QARS1: variants seen among roughly 807,000 people sequenced by gnomAD.
QARS1 encodes glutaminyl-tRNA synthetase 1.
Under a neutral mutation model 106.9 loss-of-function variants are expected in QARS1, and 79 were observed. That is an observed-to-expected ratio of 0.74 (90% CI 0.62 to 0.89). QARS1 has a LOEUF of 0.89. Among genes scored for constraint, QARS1 ranks in the 40% least tolerant of loss-of-function variants. The pLI is 0.00. For synonymous variants in QARS1, 395 were observed against 367.7 expected (o/e 1.07, Z -0.85); for missense variants, 966 against 997.2 (o/e 0.97, Z 0.42).
chr3:49,096,779 G>A lies in QARS1; in HGVS notation c.2278-700C>T, dbSNP rs568924037. Among the ~76,000 whole-genome samples the A allele has an allele frequency of 2.8e-3, 261 of 92,918 alleles. 2 individuals carry two copies. Among genetic ancestry groups the A allele is most frequent in the African/African-American group, 0.01 (239 of 23,714 alleles). The allele number at this position is 92,918 out of a possible 152,430, so 61.0% of individuals were successfully genotyped here. A position where few individuals can be genotyped will look rare whatever the true frequency, so the allele number is the denominator to read the frequency against. ...TGTGCCACTGCACTCCAGCCTGGGC[G>A]ACATGTGAGACTCCGTCTCAAAAAA... is the stretch of plus-strand genomic sequence containing the variant. On this transcript the variant is annotated intron_variant, in intron 23 of 23. Coordinates refer to ENST00000306125, the MANE Select transcript of QARS1 (RefSeq NM_005051.3).
chr3:49,100,277 G>A lies in QARS1; in HGVS notation c.1077C>T (p.His359=). The change falls in exon 13 of 24, where the codon CAC becomes CAT. Residue 359 remains histidine (H), a synonymous_variant. Coordinates refer to ENST00000306125, the MANE Select transcript of QARS1 (RefSeq NM_005051.3). ...GGCCTTTGAGCTCCTCTCCTCGCTG[G>A]TGGCACACATAAGCCAGACCCCTGT... ...LIRRGLAYVC[H]QRGEELKGHN... 1 of 1,614,228 alleles carries A rather than the reference G, an allele frequency of 6.2e-7. No homozygotes were observed. The highest frequency in any genetic ancestry group is 8.5e-7 in the Non-Finnish European group (1 of 1,180,044).
chr3:49,102,178 C>T, intron 7 of QARS1, 27 bp downstream of exon 7: 1 of 1,614,026 alleles, frequency 6.2e-7, no homozygotes, highest in Non-Finnish European at 8.5e-7. Context: ...GAGCTGAATG[C>T]TGTGACAGGA....
rs1410720009 is a variant in QARS1 at position 49,100,219 on chromosome 3, G to A, written c.1135C>T (p.Pro379Ser). The A allele has an allele frequency of 1.2e-6, 2 of 1,614,236 alleles. No individual in the cohort carries two copies. The highest frequency in any genetic ancestry group is 1.7e-5 in the Admixed American group (1 of 60,032). ...NTLPSPWRDR[P>S]MEESLLLFEA... Reference sequence around the variant, plus strand: ...AAGAGCAGCAGTGACTCCTCCATGGGACGGTCTCTCCAGGGTGAAGGCAGA... The same window carrying A: ...AAGAGCAGCAGTGACTCCTCCATGGAACGGTCTCTCCAGGGTGAAGGCAGA... The change falls in exon 13 of 24, where the codon CCC becomes TCC. Residue 379 changes from proline (P) to serine (S), a missense_variant. Coordinates refer to ENST00000306125, the MANE Select transcript of QARS1 (RefSeq NM_005051.3).
In QARS1 at chr3:49,096,057, G is replaced by T; in HGVS notation, c.2300C>A (p.Thr767Lys). 6.2e-7 allele frequency: 1 copy of T among 1,613,964 alleles called. No individual in the cohort carries two copies. Among genetic ancestry groups the T allele is most frequent in the Admixed American group, 1.7e-5 (1 of 59,996 alleles). The change falls in exon 24 of 24, where the codon ACA becomes AAA. Residue 767 changes from threonine to lysine, a missense_variant. Physicochemically the swap from Thr to Lys is moderately conservative, Grantham distance 78. Transcript: ENST00000306125. ...CACCTTTCCTGGGTCTTCCTTCAGT[G>T]TGACAGTTCGGTTAAAGACAAGCTG... ...QGKLVFNRTV[T>K]LKEDPGKV
Position 49,101,854 on chromosome 3 carries a change from C to T in QARS1, c.677G>A (p.Gly226Glu), listed in dbSNP as rs1316734963. ...QTLSLMEQLR[G>E]EALKFHKPGE... ...AGGCTTGTGGAACTTAAGGGCCTCC[C>T]CCCGGAGCTGCTCCATCAGAGACAG... is the stretch of plus-strand genomic sequence containing the variant. The change falls in exon 8 of 24, where the codon GGG (glycine) becomes GAG (glutamate). Residue 226 changes from glycine to glutamate, a missense_variant. By Grantham distance (98) the Gly-to-Glu change is moderately conservative. Coordinates refer to ENST00000306125, the MANE Select transcript of QARS1 (RefSeq NM_005051.3). 8.7e-6 allele frequency: 14 copies of T among 1,612,364 alleles called. No individual in the cohort carries two copies. Among genetic ancestry groups the T allele is most frequent in the Non-Finnish European group, 1.2e-5 (14 of 1,179,228 alleles).
Position 49,100,688 on chromosome 3 carries a change from A to C in QARS1, c.877-14T>G. The C allele has an allele frequency of 6.5e-7, 1 of 1,543,968 alleles. No individual in the cohort carries two copies. Among genetic ancestry groups the C allele is most frequent in the East Asian group, 2.2e-5 (1 of 44,552 alleles). On this transcript the variant is annotated splice_polypyrimidine_tract_variant and intron_variant, in intron 10 of 23. Transcript: ENST00000306125. ...GCCATTGTTGGCCTAGGAAAGTTGC[A>C]CCATCTGTGAACTCCCACATCATCC...
intron 6 of QARS1, 52 bp from the exon 7 acceptor site, chr3:49,102,317 T>C: frequency 6.2e-7 from 1 of 1,613,872 alleles, no homozygotes; most frequent in Non-Finnish European, 8.5e-7. Flanking sequence ...TTCTCTTGGA[T>C]AGGGTCTTGG....
chr3:49,098,239 C>T lies in QARS1; in HGVS notation c.2104G>A (p.Glu702Lys), dbSNP rs2107095526. 5.6e-6 allele frequency: 9 copies of T among 1,614,204 alleles called. No homozygotes were observed. Among genetic ancestry groups the T allele is most frequent in the African/African-American group, 1.3e-5 (1 of 75,048 alleles). Residue 702 changes from glutamate to lysine, a missense_variant, in exon 22 of 24, where the codon GAA becomes AAA. Coordinates refer to ENST00000306125, the MANE Select transcript of QARS1 (RefSeq NM_005051.3). ...YERLFQHKNP[E>K]DPTEVPGGFL... ...CCACCAGGCACCTCAGTAGGATCTT[C>T]AGGGTTCTTGTGCTGGAATCTGCAG...
At position 49,104,438 on chromosome 3, in the gene QARS1, C is replaced by T. The variant is rs755697141; in HGVS notation, c.151G>A (p.Ala51Thr). The T allele has an allele frequency of 1.2e-6, 2 of 1,614,172 alleles. No individual in the cohort carries two copies. Among genetic ancestry groups the T allele is most frequent in the Non-Finnish European group, 1.7e-6 (2 of 1,180,042 alleles). The change falls in exon 2 of 24, where the codon GCT becomes ACT. Residue 51 changes from alanine (A) to threonine (T), a missense_variant. Transcript: ENST00000306125. ...AAGCCATATAACAGGATCCCGGTAGCTTTGTCAATGGTGGAACCCAGGGTC... is the reference window on the plus strand; with the variant it reads ...AAGCCATATAACAGGATCCCGGTAGTTTTGTCAATGGTGGAACCCAGGGTC... ...QQTLGSTIDKATGILLYGLAS... is the reference protein window; with the variant it reads ...QQTLGSTIDKTTGILLYGLAS...
At position 49,099,207 on chromosome 3, in the gene QARS1, T is replaced by C; in HGVS notation, c.1661A>G (p.Glu554Gly). Residue 554 changes from glutamate to glycine, a missense_variant, in exon 18 of 24, where the codon GAA (glutamate) becomes GGA (glycine). Coordinates refer to ENST00000306125, the MANE Select transcript of QARS1 (RefSeq NM_005051.3). Reference sequence around the variant, plus strand: ...ATTCAGCACATCACGCACACAGGCTTCTAGAAGATGTGGCTCCATTGTGGT... The same window carrying C: ...ATTCAGCACATCACGCACACAGGCTCCTAGAAGATGTGGCTCCATTGTGGT... ...AQTTMEPHLL[E>G]ACVRDVLNDT... is the part of the protein sequence containing the mutation. 11 of 1,614,158 alleles carry C rather than the reference T, an allele frequency of 6.8e-6. No individual in the cohort carries two copies. The highest frequency in any genetic ancestry group is 9.3e-6 in the Non-Finnish European group (11 of 1,180,018).
rs756619500 is a variant in QARS1, at chr3:49,104,606, G to A, written c.117+11C>T. On this transcript the variant is annotated intron_variant, in intron 1 of 23. Coordinates refer to ENST00000306125, the MANE Select transcript of QARS1 (RefSeq NM_005051.3). ...GTCTGCAAACCAGGCCGGGGGCAGA[G>A]GGGCTCGCACCTGAGTAGCGGCCTC... is the stretch of plus-strand genomic sequence containing the variant. 19 of 1,599,420 alleles carry A rather than the reference G, an allele frequency of 1.2e-5. No individual in the cohort carries two copies. The Admixed American group carries it at 1.7e-4, about 14-fold the overall frequency.
At position 49,099,967 on chromosome 3, in the gene QARS1, T is replaced by TC; in HGVS notation, c.1288dup (p.Asp430GlyfsTer17). ...CACCCCATTCTACACCCACCATTTG[T>TC]CCCCTGTGCGGTGGTGTGGTGTATA... is the stretch of plus-strand genomic sequence containing the variant. On this transcript the variant is annotated frameshift_variant, in exon 14 of 24. Coordinates refer to ENST00000306125, the MANE Select transcript of QARS1 (RefSeq NM_005051.3). LOFTEE classifies it high-confidence loss of function. The TC allele has an allele frequency of 1.9e-6, 3 of 1,614,116 alleles. No homozygotes were observed. Among genetic ancestry groups the TC allele is most frequent in the Non-Finnish European group, 2.5e-6 (3 of 1,179,996 alleles).
At chr3:49,100,716 C>T (rs2042459460) in intron 10 of QARS1, 42 bp from the exon 11 acceptor site, 1 of 1,419,168 alleles carries the variant, frequency 7.0e-7, no homozygotes, top group Non-Finnish European at 1.0e-6. Flanking sequence ...CATCATCCAT[C>T]AGCCCCACAA....
chr3:49,103,988 C>A lies in QARS1; in HGVS notation c.266-16G>T. 1 of 1,603,804 alleles carries A rather than the reference C, an allele frequency of 6.2e-7. No individual in the cohort carries two copies. Among genetic ancestry groups the A allele is most frequent in the East Asian group, 2.2e-5 (1 of 44,752 alleles). On this transcript the variant is annotated splice_polypyrimidine_tract_variant and intron_variant, in intron 2 of 23. Transcript: ENST00000306125. Reference sequence around the variant, plus strand: ...TCAAGGGCAGCTGAGAAGAAAGAGCCCGTGAGTTTGTGGCATCTCTGCTCC... The same window carrying A: ...TCAAGGGCAGCTGAGAAGAAAGAGCACGTGAGTTTGTGGCATCTCTGCTCC...
chr3:49,099,915 T>C (rs749323323), intron 14 of QARS1, 46 bp downstream of exon 14: 10 of 1,614,008 alleles, frequency 6.2e-6, no homozygotes, highest in Non-Finnish European at 7.6e-6. Context: ...CCATGGCCCA[T>C]CGCCCTGCTC....
At position 49,100,011 on chromosome 3, in the gene QARS1, AG is replaced by A; in HGVS notation, c.1244del (p.Pro415LeufsTer2). 3 of 1,614,200 alleles carry A rather than the reference AG, an allele frequency of 1.9e-6. No homozygotes were observed. The highest frequency in any genetic ancestry group is 2.5e-6 in the Non-Finnish European group (3 of 1,180,034). ...KLVMEDGKMD[P>X]VAYRVKYTPH... ...GTGTATACTTGACTCGATAGGCTAC[AG>A]GGTCCATCTTGCCATCCTCCATCAC... On this transcript the variant is annotated frameshift_variant, in exon 14 of 24. Coordinates refer to ENST00000306125, the MANE Select transcript of QARS1 (RefSeq NM_005051.3). LOFTEE classifies it high-confidence loss of function.
At position 49,098,046 on chromosome 3, in the gene QARS1, G is replaced by C. The variant is rs1282040984; in HGVS notation, c.2223C>G (p.Phe741Leu). 8 of 1,614,064 alleles carry C rather than the reference G, an allele frequency of 5.0e-6. No homozygotes were observed. The African/African-American group carries it at 9.3e-5, about 19-fold the overall frequency. ...AGAAATATCCAAGACGCTCAAACTG[G>C]AACTTGTCGAAGGGTTTTGCCAGGG... ...SVALAKPFDK[F>L]QFERLGYFSV... The change falls in exon 23 of 24, where the codon TTC (phenylalanine) becomes TTG (leucine). Residue 741 changes from phenylalanine to leucine, a missense_variant. Transcript: ENST00000306125.
Position 49,098,217 on chromosome 3 carries a change from C to T in QARS1, c.2126G>A (p.Gly709Asp). Residue 709 changes from glycine (G) to aspartate (D), a missense_variant, in exon 22 of 24, where the codon GGT (glycine) becomes GAT (aspartate). Transcript: ENST00000306125. ...CAGGTTCAGGTCACTTAAAAATCCA[C>T]CAGGCACCTCAGTAGGATCTTCAGG... ...KNPEDPTEVP[G>D]GFLSDLNLAS... 1 of 1,614,186 alleles carries T rather than the reference C, an allele frequency of 6.2e-7. No individual in the cohort carries two copies. The highest frequency in any genetic ancestry group is 8.5e-7 in the Non-Finnish European group (1 of 1,180,030).
chr3:49,098,058 G>C lies in QARS1; in HGVS notation c.2211C>G (p.Pro737=). 6.2e-7 allele frequency: 1 copy of C among 1,614,194 alleles called. No homozygotes were observed. The highest frequency in any genetic ancestry group is 8.5e-7 in the Non-Finnish European group (1 of 1,180,042). ...LVDCSVALAK[P]FDKFQFERLG... ...GACGCTCAAACTGGAACTTGTCGAAGGGTTTTGCCAGGGCCACAGAGCAGT... is the reference window on the plus strand; with the variant it reads ...GACGCTCAAACTGGAACTTGTCGAACGGTTTTGCCAGGGCCACAGAGCAGT... The change falls in exon 23 of 24, where the codon CCC becomes CCG. Residue 737 remains proline (P), a synonymous_variant. Transcript: ENST00000306125.
Sources: allele counts gnomAD v4.1 joint callset (sites outside exome capture counted in the v4.1 genomes callset), GRCh38; gene constraint gnomAD v4.1.1; transcripts MANE v1.5; gene names NCBI Gene and HGNC (gene_info 2026-07-23, HGNC 2026-07-21).